Variants in MAD1L1 observed in about 807,000 individuals in gnomAD.
The protein encoded by MAD1L1 is mitotic spindle assembly checkpoint protein MAD1.
In MAD1L1, 95 loss-of-function variants were observed where a neutral mutation model predicts 96.9. The ratio of observed to expected loss-of-function variants is 0.98; its 90% CI spans 0.83 to 1.16. The LOEUF (loss-of-function observed/expected upper bound fraction) is 1.16, where lower values mean the gene tolerates loss of function less well. Among genes scored for constraint, MAD1L1 ranks in the 50% most tolerant of loss-of-function variants. The pLI is 0.00. For synonymous variants in MAD1L1, 473 were observed against 396.6 expected (o/e 1.19, Z -2.29); for missense variants, 1,007 against 954.4 (o/e 1.06, Z -0.73).
intron 18 of MAD1L1, among the ~76,000 whole-genome samples, chr7:1,867,694 C>T (rs1449928540): frequency 6.6e-6 from 1 of 152,332 alleles, no homozygotes; most frequent in South Asian, 2.1e-4. Flanking sequence ...GCTTCCTGGC[C>T]TCCGGGGCAG....
chr7:1,822,394 C>A (rs1223224539), intron 18 of MAD1L1, among the ~76,000 whole-genome samples: 1 of 148,796 alleles, frequency 6.7e-6, no homozygotes, highest in Admixed American at 6.7e-5. Context: ...CAAAATTGAT[C>A]TTTGGTTTTA....
intron 17 of MAD1L1, among the ~76,000 whole-genome samples, chr7:1,922,658 G>A (rs1223648889): frequency 4.6e-5 from 7 of 152,188 alleles, no homozygotes; most frequent in African/African-American, 1.7e-4. Context: ...GCCCATCTGG[G>A]GCTCTGGGAC....
At chr7:1,983,134 G>A (rs1174311977) in intron 14 of MAD1L1, among the ~76,000 whole-genome samples, 9 of 131,654 alleles carry the variant, frequency 6.8e-5, no homozygotes, top group South Asian at 2.4e-4. Context: ...ACCCACAGAC[G>A]CGCGCGCGCG....
chr7:1,837,654 C>T (rs1477765198), intron 18 of MAD1L1, among the ~76,000 whole-genome samples: 6 of 152,224 alleles, frequency 3.9e-5, no homozygotes, highest in Admixed American at 2.6e-4. Flanking sequence ...AAACTAACTA[C>T]GCTTAGTAGA....
chr7:1,910,594 C>G (rs1338743943), intron 17 of MAD1L1, among the ~76,000 whole-genome samples: 1 of 152,214 alleles, frequency 6.6e-6, no homozygotes, highest in Non-Finnish European at 1.5e-5. Context: ...TGGGCCACCC[C>G]CACCAGTGGT....
intron 17 of MAD1L1, among the ~76,000 whole-genome samples, chr7:1,936,191 G>A (rs753151313): frequency 2.6e-5 from 4 of 152,344 alleles, no homozygotes; most frequent in African/African-American, 4.8e-5. Context: ...ATAGGCTGGC[G>A]TTCCAAAGGC....
intron 18 of MAD1L1, among the ~76,000 whole-genome samples, chr7:1,859,492 G>A (rs191250925): frequency 3.0e-4 from 46 of 152,340 alleles, no homozygotes; most frequent in Non-Finnish European, 3.1e-4. Context: ...GCTGCGAGGC[G>A]GAGCGCATCC....
At chr7:2,016,312 G>A (rs1782536800) in intron 12 of MAD1L1, among the ~76,000 whole-genome samples, 1 of 152,192 alleles carries the variant, frequency 6.6e-6, no homozygotes, top group Non-Finnish European at 1.5e-5. Context: ...GTGAGGGCAG[G>A]AGAGCTGTGG....
At chr7:2,045,437 T>C (rs1021505564) in intron 12 of MAD1L1, among the ~76,000 whole-genome samples, 4 of 152,136 alleles carry the variant, frequency 2.6e-5, no homozygotes, top group Admixed American at 1.3e-4. Context: ...TGCGTGTACA[T>C]AGCACTATCC....
At chr7:1,977,638 T>C (rs983920444) in intron 15 of MAD1L1, among the ~76,000 whole-genome samples, 2 of 152,364 alleles carry the variant, frequency 1.3e-5, no homozygotes, top group East Asian at 3.9e-4. Flanking sequence ...ATGTAAAAGA[T>C]ATCAATGATA....
chr7:1,895,114 C>T (rs761146284), intron 18 of MAD1L1, among the ~76,000 whole-genome samples: 1 of 152,202 alleles, frequency 6.6e-6, no homozygotes. Flanking sequence ...TGTCTACAAG[C>T]GAGCTGGGCC....
chr7:2,009,838 G>C (rs983782968), intron 13 of MAD1L1, among the ~76,000 whole-genome samples: 5 of 152,152 alleles, frequency 3.3e-5, no homozygotes, highest in African/African-American at 1.2e-4. Flanking sequence ...TCCTGTGCTG[G>C]GCAGCGGTGC....
chr7:1,864,343 C>G (rs1489092159), intron 18 of MAD1L1, among the ~76,000 whole-genome samples: 2 of 152,240 alleles, frequency 1.3e-5, no homozygotes, highest in Admixed American at 1.3e-4. Flanking sequence ...GGCCCCTTTC[C>G]TGGACGGGAC....
Position 2,094,478 on chromosome 7 carries a change from G to GAA in MAD1L1, c.1074-25142_1074-25141dup, listed in dbSNP as rs1265450530. Among the ~76,000 whole-genome samples, 3 of 152,316 alleles carry GAA rather than the reference G, an allele frequency of 2.0e-5. No homozygotes were observed. The East Asian group carries it at 5.8e-4, about 29-fold the overall frequency. On this transcript the variant is annotated intron_variant, in intron 11 of 18. Coordinates refer to ENST00000265854, the MANE Select transcript of MAD1L1 (RefSeq NM_001013836.2). ...CCAAAGTCTATAATGTGCTTGACGG[G>GAA]AAAAAGTGACAGCAAGACAGGGAAC... is the stretch of plus-strand genomic sequence containing the variant.
intron 11 of MAD1L1, among the ~76,000 whole-genome samples, chr7:2,143,924 G>A (rs938469201): frequency 1.3e-5 from 2 of 152,156 alleles, no homozygotes; most frequent in African/African-American, 2.4e-5. Context: ...CTTCTCAGCC[G>A]GCTCTACCTT....
chr7:2,101,193 T>C (rs1399394042), intron 11 of MAD1L1, among the ~76,000 whole-genome samples: 1 of 152,238 alleles, frequency 6.6e-6, no homozygotes, highest in Non-Finnish European at 1.5e-5. Flanking sequence ...GGAACATTCA[T>C]ACACCAAAGA....
intron 10 of MAD1L1, among the ~76,000 whole-genome samples, chr7:2,198,203 A>G (rs1421576741): frequency 1.3e-5 from 2 of 150,980 alleles, no homozygotes; most frequent in African/African-American, 2.4e-5. Context: ...CGATCCTCCC[A>G]CTTCAGGCTC....
At chr7:2,203,228 G>A (rs539728844) in intron 10 of MAD1L1, among the ~76,000 whole-genome samples, 1 of 152,372 alleles carries the variant, frequency 6.6e-6, no homozygotes, top group East Asian at 1.9e-4. Flanking sequence ...CTCGGCTACA[G>A]GACTTGACAC....
rs73290510 is a variant in MAD1L1, at chr7:1,924,685, G to A, written c.1807+12002C>T. Among the ~76,000 whole-genome samples the A allele has an allele frequency of 5.1e-3, 782 of 152,172 alleles. 7 individuals carry two copies. Among genetic ancestry groups the A allele is most frequent in the African/African-American group, 0.018 (735 of 41,506 alleles). ...AGGAACGCCAGGAAAGAAGGAAGAG[G>A]CAAAACCACAAACTACTTTTTGCCT... is the stretch of plus-strand genomic sequence containing the variant. On this transcript the variant is annotated intron_variant, in intron 17 of 18. Transcript: ENST00000265854.
Sources: allele counts gnomAD v4.1 joint callset (sites outside exome capture counted in the v4.1 genomes callset), GRCh38; gene constraint gnomAD v4.1.1; transcripts MANE v1.5; gene names NCBI Gene and HGNC (gene_info 2026-07-23, HGNC 2026-07-21).